STK32B: variants seen among roughly 807,000 people sequenced by gnomAD.
STK32B encodes the protein serine/threonine-protein kinase 32B.
STK32B carries 43 observed loss-of-function variants against 52.6 expected under a neutral mutation model. The ratio of observed to expected loss-of-function variants is 0.82; its 90% CI spans 0.64 to 1.05. The LOEUF (loss-of-function observed/expected upper bound fraction) is 1.05, where lower values mean the gene tolerates loss of function less well. Ranked by LOEUF, STK32B falls within the 50% of genes least tolerant of loss-of-function variation. The pLI is 0.00. For missense variants in STK32B, 621 were observed against 534.6 expected, an observed-to-expected ratio of 1.16 and a Z score of -1.59; for synonymous variants, 238 against 204.3, an observed-to-expected ratio of 1.17 and a Z score of -1.41.
intron 4 of STK32B, among the ~76,000 whole-genome samples, chr4:5,364,097 C>G (rs1044120649): frequency 6.6e-6 from 1 of 152,012 alleles, no homozygotes; most frequent in African/African-American, 2.4e-5. Context: ...CTGACCCCCC[C>G]CACTGTCCAC....
intron 7 of STK32B, among the ~76,000 whole-genome samples, chr4:5,454,139 C>T (rs1378414655): frequency 6.6e-6 from 1 of 152,154 alleles, no homozygotes. Context: ...ATGTCTGTCC[C>T]GCTCATGCCG....
intron 3 of STK32B, among the ~76,000 whole-genome samples, chr4:5,320,271 G>A (rs1414215264): frequency 1.3e-5 from 2 of 152,076 alleles, no homozygotes; most frequent in Non-Finnish European, 2.9e-5. Flanking sequence ...GTACATAGTA[G>A]GTGTTCAACA....
intron 1 of STK32B, among the ~76,000 whole-genome samples, chr4:5,122,330 T>G (rs1319960617): frequency 6.7e-6 from 1 of 149,632 alleles, no homozygotes. Flanking sequence ...AGTCACCCAT[T>G]CACTCATTCA....
chr4:5,249,979 C>G (rs1436200705), intron 3 of STK32B, among the ~76,000 whole-genome samples: 1 of 152,108 alleles, frequency 6.6e-6, no homozygotes, highest in Non-Finnish European at 1.5e-5. Context: ...CAATGTTTAG[C>G]TCCTACTTAT....
upstream of STK32B, among the ~76,000 whole-genome samples, chr4:5,046,775 A>G (rs2108747692): frequency 6.6e-6 from 1 of 152,342 alleles, no homozygotes; most frequent in East Asian, 1.9e-4. Context: ...ATGCAAATCA[A>G]AACCACAATG....
chr4:5,240,059 T>TCA (rs1724909657), intron 3 of STK32B, among the ~76,000 whole-genome samples: 1 of 128,334 alleles, frequency 7.8e-6, no homozygotes, highest in Non-Finnish European at 1.5e-5. Flanking sequence ...CTCTTCTCTC[T>TCA]CTCTCTCTCT....
At chr4:5,197,196 C>T (rs773409017) in intron 3 of STK32B, among the ~76,000 whole-genome samples, 1 of 152,134 alleles carries the variant, frequency 6.6e-6, no homozygotes, top group Non-Finnish European at 1.5e-5. Flanking sequence ...AAAGAGCTCA[C>T]CTTGGCACAT....
At chr4:5,189,812 C>T (rs1285117019) in intron 3 of STK32B, among the ~76,000 whole-genome samples, 2 of 152,142 alleles carry the variant, frequency 1.3e-5, no homozygotes, top group Non-Finnish European at 2.9e-5. Context: ...TCCACATCCT[C>T]GTCAGCACTT....
chr4:5,082,635 CT>C (rs913532293), intron 1 of STK32B, among the ~76,000 whole-genome samples: 1 of 152,020 alleles, frequency 6.6e-6, no homozygotes, highest in African/African-American at 2.4e-5. Context: ...TGTGCATTTC[CT>C]TTTCAGGGCA....
chr4:5,446,507 A>G (rs530988488), intron 6 of STK32B, among the ~76,000 whole-genome samples, 166 bp from the exon 7 acceptor site: 3 of 151,726 alleles, frequency 2.0e-5, no homozygotes, highest in South Asian at 2.1e-4. Flanking sequence ...AGAGGAGCCG[A>G]CATTGCGCCA....
chr4:5,483,384 T>G (rs562040763), intron 11 of STK32B, among the ~76,000 whole-genome samples: 2 of 152,222 alleles, frequency 1.3e-5, no homozygotes, highest in African/African-American at 4.8e-5. Flanking sequence ...TAGAGGTGTT[T>G]ATAGTGTTCT....
chr4:5,474,345 G>T (rs1034871292), intron 11 of STK32B, among the ~76,000 whole-genome samples: 3 of 152,194 alleles, frequency 2.0e-5, no homozygotes, highest in Non-Finnish European at 4.4e-5. Flanking sequence ...TGTGACCCCA[G>T]TGAAGCTCCA....
chr4:5,107,809 C>T (rs1405179871), intron 1 of STK32B, among the ~76,000 whole-genome samples: 1 of 151,978 alleles, frequency 6.6e-6, no homozygotes, highest in East Asian at 1.9e-4. Context: ...GTTTTTTTCT[C>T]TTTTAAAATT....
chr4:5,145,377 C>A (rs1023606282), intron 2 of STK32B, among the ~76,000 whole-genome samples: 3 of 152,134 alleles, frequency 2.0e-5, no homozygotes, highest in South Asian at 2.1e-4. Context: ...AATGTACATA[C>A]AACAGAATGA....
At chr4:5,025,336 G>T in the STK32B span, among the ~76,000 whole-genome samples, 1 of 151,982 alleles carries the variant, frequency 6.6e-6, no homozygotes, top group Non-Finnish European at 1.5e-5. Context: ...CCAGGGGGGA[G>T]GTGGAACGGG....
Position 5,168,386 on chromosome 4 carries a change from C to T in STK32B, c.196C>T (p.Arg66Trp), listed in dbSNP as rs375561881. ...GAAGTGCATCGAGAGGGATGAGGTT[C>T]GGAATGTTTTCCGGGAGCTGCAGAT... Reference protein sequence around the residue: ...KQKCIERDEVRNVFRELQIMQ... With the variant: ...KQKCIERDEVWNVFRELQIMQ... Residue 66 changes from arginine to tryptophan, a missense_variant, in exon 3 of 12, where the codon CGG becomes TGG. Coordinates refer to ENST00000282908, the MANE Select transcript of STK32B (RefSeq NM_018401.3). 201 of 1,613,688 alleles carry T rather than the reference C, an allele frequency of 1.2e-4. No homozygotes were observed. Among genetic ancestry groups the T allele is most frequent in the Non-Finnish European group, 1.6e-4 (185 of 1,179,960 alleles).
chr4:5,407,088 T>G (rs1248132775), intron 5 of STK32B, among the ~76,000 whole-genome samples: 1 of 152,178 alleles, frequency 6.6e-6, no homozygotes, highest in Non-Finnish European at 1.5e-5. Flanking sequence ...AAGCCACATC[T>G]TGAACATTTT....
chr4:5,240,070 C>G (rs368173065), intron 3 of STK32B, among the ~76,000 whole-genome samples: 2 of 142,374 alleles, frequency 1.4e-5, no homozygotes, highest in South Asian at 2.2e-4. Flanking sequence ...CTCTCTCTCT[C>G]TCTGTCTCTC....
intron 3 of STK32B, among the ~76,000 whole-genome samples, chr4:5,276,091 C>T (rs1432573087): frequency 1.3e-5 from 2 of 152,028 alleles, no homozygotes; most frequent in Non-Finnish European, 2.9e-5. Context: ...GAGTTCAAGA[C>T]CAGCCTGGCC....
Sources: allele counts gnomAD v4.1 joint callset (sites outside exome capture counted in the v4.1 genomes callset), GRCh38; gene constraint gnomAD v4.1.1; transcripts MANE v1.5; gene names NCBI Gene and HGNC (gene_info 2026-07-23, HGNC 2026-07-21).